FANCI: variants seen among roughly 807,000 people sequenced by gnomAD.
FANCI encodes Fanconi anemia group I protein.
FANCI carries 156 observed loss-of-function variants against 176.1 expected under a neutral mutation model. The observed-to-expected ratio is 0.89, with a 90% CI of 0.78 to 1.01. The LOEUF (loss-of-function observed/expected upper bound fraction) is 1.01, where lower values mean the gene tolerates loss of function less well. Among genes scored for constraint, FANCI ranks in the 50% least tolerant of loss-of-function variants. The pLI, the probability that FANCI is intolerant of heterozygous loss-of-function variation, is 0.00. For missense variants in FANCI, 1,678 were observed against 1,534.1 expected, an observed-to-expected ratio of 1.09 and a Z score of -1.57; for synonymous variants, 613 against 541.7, an observed-to-expected ratio of 1.13 and a Z score of -1.83.
At chr15:89,268,942 G>A (rs949713110) in intron 10 of FANCI, among the ~76,000 whole-genome samples, 3 of 152,096 alleles carry the variant, frequency 2.0e-5, no homozygotes, top group African/African-American at 4.8e-5. Flanking sequence ...GTAGTATATC[G>A]TGGAGTTGTG....
At chr15:89,271,533 C>T (rs981667925) in intron 10 of FANCI, among the ~76,000 whole-genome samples, 1 of 152,196 alleles carries the variant, frequency 6.6e-6, no homozygotes, top group Non-Finnish European at 1.5e-5. Flanking sequence ...TGGTCTCACT[C>T]TGTCACCTAG....
rs556450243 is a variant in FANCI at position 89,253,565 on chromosome 15, C to T, written c.85-5139C>T. On this transcript the variant is annotated intron_variant, in intron 2 of 37. Coordinates refer to ENST00000310775, the MANE Select transcript of FANCI (RefSeq NM_001113378.2). ...TAAATAAGTATATGTTAGAAGAAAA[C>T]ATGGATGAATTTCTCTTTAAGCTCA... Among the ~76,000 whole-genome samples, 50 of 150,896 alleles carry T rather than the reference C, an allele frequency of 3.3e-4. 1 individual carries two copies. In the South Asian group the frequency reaches 0.01, roughly 32 times the overall value.
intron 27 of FANCI, among the ~76,000 whole-genome samples, chr15:89,302,974 C>T (rs112520885): frequency 1.7e-4 from 26 of 152,262 alleles, no homozygotes; most frequent in African/African-American, 5.1e-4. Flanking sequence ...CCACCCATGT[C>T]CTCCATCTGT....
chr15:89,247,759 A>T, intron 2 of FANCI, 28 bp downstream of exon 2: 1 of 1,595,034 alleles, frequency 6.3e-7, no homozygotes, highest in Non-Finnish European at 8.6e-7. Flanking sequence ...TGTTCTGCTA[A>T]AAGTAAATGT....
Position 89,294,994 on chromosome 15 carries a change from G to C in FANCI, c.2536G>C (p.Ala846Pro). 1 of 1,552,274 alleles carries C rather than the reference G, an allele frequency of 6.4e-7. No homozygotes were observed. Among genetic ancestry groups the C allele is most frequent in the Non-Finnish European group, 8.7e-7 (1 of 1,147,122 alleles). Residue 846 changes from alanine (A) to proline (P), a missense_variant, in exon 24 of 38, where the codon GCT (alanine) becomes CCT (proline). Transcript: ENST00000310775. Reference protein sequence around the residue: ...NEFMRYAVNVALQKVQQLKET... With the variant: ...NEFMRYAVNVPLQKVQQLKET... The stretch of plus-strand genomic sequence containing the variant: ...GTTTATGCGCTATGCAGTGAATGTA[G>C]CTCTGCAGAAAGTACAGCAGCTAAA...
chr15:89,283,086 A>G (rs896884487), intron 16 of FANCI, 50 bp from the exon 17 acceptor site: 1 of 1,589,346 alleles, frequency 6.3e-7, no homozygotes, highest in Non-Finnish European at 8.6e-7. Context: ...ACCCAGAAGC[A>G]TATTCCTGTG....
Position 89,305,180 on chromosome 15 carries a change from C to A in FANCI, c.3124C>A (p.Pro1042Thr). The A allele has an allele frequency of 6.2e-7, 1 of 1,614,212 alleles. No homozygotes were observed. The highest frequency in any genetic ancestry group is 8.5e-7 in the Non-Finnish European group (1 of 1,180,042). The change falls in exon 29 of 38, where the codon CCT becomes ACT. Residue 1042 changes from proline to threonine, a missense_variant. Coordinates refer to ENST00000310775, the MANE Select transcript of FANCI (RefSeq NM_001113378.2). ...LFSLHVSYKS[P>T]VILLRDLSQD... ...CAGCCTGCATGTTTCGTATAAGAGTCCTGTCATTCTGCTGCGTGACTTGTC... is the reference window on the plus strand; with the variant it reads ...CAGCCTGCATGTTTCGTATAAGAGTACTGTCATTCTGCTGCGTGACTTGTC...
chr15:89,286,065 C>T (rs1311443149), intron 18 of FANCI, among the ~76,000 whole-genome samples: 2 of 152,030 alleles, frequency 1.3e-5, no homozygotes, highest in Non-Finnish European at 2.9e-5. Context: ...TTCACTGCAG[C>T]CTCCATCCTC....
intron 11 of FANCI, among the ~76,000 whole-genome samples, 190 bp from the exon 12 acceptor site, chr15:89,273,978 A>G (rs1381638162): frequency 6.6e-6 from 1 of 152,170 alleles, no homozygotes; most frequent in Admixed American, 6.5e-5. Flanking sequence ...TTTTTGTAAC[A>G]TCTTCATCTA....
intron 34 of FANCI, chr15:89,307,877 T>C: frequency 1.4e-6 from 2 of 1,445,900 alleles, no homozygotes; most frequent in East Asian, 2.5e-5. Flanking sequence ...TTCACTTAAT[T>C]TGGAGAAAGG....
chr15:89,276,900 C>T lies in FANCI; in HGVS notation c.1293+9C>T. On this transcript the variant is annotated intron_variant, in intron 13 of 37. Transcript: ENST00000310775. Reference sequence around the variant, plus strand: ...TGTTGGAAACTTTTAAGGTGAGACACTATTTTGGCAACCACTCCCTAATTT... The same window carrying T: ...TGTTGGAAACTTTTAAGGTGAGACATTATTTTGGCAACCACTCCCTAATTT... 6.2e-7 allele frequency: 1 copy of T among 1,614,100 alleles called. No individual in the cohort carries two copies. The highest frequency in any genetic ancestry group is 8.5e-7 in the Non-Finnish European group (1 of 1,179,966).
Position 89,306,143 on chromosome 15 carries a change from G to GT in FANCI, c.3488dup (p.Leu1163PhefsTer57). 1 of 1,614,188 alleles carries GT rather than the reference G, an allele frequency of 6.2e-7. No homozygotes were observed. The highest frequency in any genetic ancestry group is 8.5e-7 in the Non-Finnish European group (1 of 1,180,042). The stretch of plus-strand genomic sequence containing the variant: ...CATCAGGCAGCTGTGTGGACACCTT[G>GT]TTAAAGGACTTGTGCAAAATGTACA... On this transcript the variant is annotated frameshift_variant, in exon 32 of 38. Transcript: ENST00000310775. LOFTEE classifies it high-confidence loss of function.
intron 13 of FANCI, 39 bp downstream of exon 13, chr15:89,276,930 TA>T: frequency 1.2e-6 from 2 of 1,607,974 alleles, no homozygotes; most frequent in Non-Finnish European, 1.7e-6. Flanking sequence ...TAATTTTGTT[TA>T]AATAATCCAA....
At chr15:89,278,443 A>G (rs927587021) in intron 13 of FANCI, among the ~76,000 whole-genome samples, 2 of 152,234 alleles carry the variant, frequency 1.3e-5, no homozygotes, top group Non-Finnish European at 2.9e-5. Context: ...TATATGTAGC[A>G]ATAGTTTAAT....
intron 2 of FANCI, among the ~76,000 whole-genome samples, chr15:89,250,487 T>C (rs906827671): frequency 6.9e-6 from 1 of 144,966 alleles, no homozygotes; most frequent in African/African-American, 2.6e-5. Context: ...TAGGTGGGAA[T>C]TGAACAGTGA....
At chr15:89,273,566 C>G in intron 11 of FANCI, 97 bp downstream of exon 11, 1 of 785,686 alleles carries the variant, frequency 1.3e-6, no homozygotes, top group Non-Finnish European at 2.2e-6. Context: ...TGTATCCGTT[C>G]CTAAACAATT....
intron 20 of FANCI, among the ~76,000 whole-genome samples, chr15:89,292,037 T>G (rs2054088925): frequency 6.6e-6 from 1 of 152,224 alleles, no homozygotes; most frequent in Non-Finnish European, 1.5e-5. Flanking sequence ...TACGAACAGA[T>G]GAACCTAGGG....
intron 10 of FANCI, among the ~76,000 whole-genome samples, chr15:89,272,701 C>T (rs1304463665): frequency 6.6e-6 from 1 of 151,964 alleles, no homozygotes; most frequent in African/African-American, 2.4e-5. Flanking sequence ...TCTCTCGAGT[C>T]ATAAGGACTT....
At chr15:89,284,347 A>G (rs1567159481) in intron 17 of FANCI, among the ~76,000 whole-genome samples, 2 of 152,230 alleles carry the variant, frequency 1.3e-5, no homozygotes, top group South Asian at 2.1e-4. Flanking sequence ...ACATTTATAT[A>G]TAACAGTTTG....
Sources: gnomAD v4.1 joint callset for allele counts (sites outside exome capture counted in the v4.1 genomes callset) on GRCh38, gnomAD v4.1.1 for gene constraint, MANE v1.5 for transcripts, NCBI Gene and HGNC (gene_info 2026-07-23, HGNC 2026-07-21) for gene names.